Variants in PPP1R9A observed in about 807,000 individuals in gnomAD.
The protein encoded by PPP1R9A is neurabin-1.
A neutral mutation model predicts 141.9 loss-of-function variants in PPP1R9A; 59 were observed. The observed-to-expected ratio is 0.42, with a 90% CI of 0.34 to 0.52. The LOEUF (loss-of-function observed/expected upper bound fraction) is 0.52. PPP1R9A is among the 20% of genes least tolerant of loss of function. The pLI is 0.10. For synonymous variants in PPP1R9A, 500 were observed against 569.7 expected (o/e 0.88, Z 1.74); for missense variants, 1,444 against 1,611.9 (o/e 0.90, Z 1.78).
chr7:95,267,730 G>A (rs755282379), intron 12 of PPP1R9A, among the ~76,000 whole-genome samples: 2 of 151,940 alleles, frequency 1.3e-5, no homozygotes, highest in African/African-American at 2.4e-5. Flanking sequence ...TTTACCCTTC[G>A]AAAATCAGTG....
At chr7:94,971,521 C>T (rs531100977) in intron 2 of PPP1R9A, among the ~76,000 whole-genome samples, 2 of 152,260 alleles carry the variant, frequency 1.3e-5, no homozygotes, top group African/African-American at 2.4e-5. Flanking sequence ...TTTAGACTAT[C>T]GTAGTCATCT....
chr7:95,065,327 A>C (rs1812799675), intron 2 of PPP1R9A, among the ~76,000 whole-genome samples: 1 of 152,202 alleles, frequency 6.6e-6, no homozygotes, highest in African/African-American at 2.4e-5. Context: ...GGCCTCCCAA[A>C]GTACTAGGAT....
chr7:94,973,592 CAA>C (rs1258746767), intron 2 of PPP1R9A, among the ~76,000 whole-genome samples: 12 of 151,920 alleles, frequency 7.9e-5, no homozygotes, highest in Non-Finnish European at 1.5e-4. Flanking sequence ...TCATAGGGGA[CAA>C]GAGAGAGATA....
At chr7:95,195,409 T>C (rs988820268) in intron 5 of PPP1R9A, among the ~76,000 whole-genome samples, 8 of 150,066 alleles carry the variant, frequency 5.3e-5, no homozygotes, top group Non-Finnish European at 1.2e-4. Context: ...GCCTCTCAAG[T>C]AGCTAAAACT....
chr7:95,289,126 C>A (rs936193435), intron 19 of PPP1R9A, among the ~76,000 whole-genome samples: 3 of 152,200 alleles, frequency 2.0e-5, no homozygotes, highest in Admixed American at 6.5e-5. Flanking sequence ...TCCTTACACA[C>A]CACTCCCAAA....
chr7:94,926,905 T>G (rs1793553868), intron 2 of PPP1R9A, among the ~76,000 whole-genome samples: 1 of 152,198 alleles, frequency 6.6e-6, no homozygotes, highest in South Asian at 2.1e-4. Flanking sequence ...TAATTAGTAA[T>G]AAATTGCATG....
intron 7 of PPP1R9A, among the ~76,000 whole-genome samples, chr7:95,215,864 G>A (rs1793276620): frequency 6.6e-6 from 1 of 152,070 alleles, no homozygotes; most frequent in South Asian, 2.1e-4. Flanking sequence ...TGTAGATTCT[G>A]GATATTAGCC....
At chr7:95,047,313 G>A (rs562627566) in intron 2 of PPP1R9A, among the ~76,000 whole-genome samples, 32 of 152,320 alleles carry the variant, frequency 2.1e-4, no homozygotes, top group African/African-American at 7.5e-4. Flanking sequence ...TTTAGTTGAT[G>A]TGTACTATGC....
chr7:94,928,450 T>C (rs1793751446), intron 2 of PPP1R9A, among the ~76,000 whole-genome samples: 1 of 152,204 alleles, frequency 6.6e-6, no homozygotes, highest in African/African-American at 2.4e-5. Flanking sequence ...CCCCATTTTT[T>C]CTCTCTGTTC....
At chr7:94,924,606 G>A (rs1182519860) in intron 2 of PPP1R9A, among the ~76,000 whole-genome samples, 1 of 152,124 alleles carries the variant, frequency 6.6e-6, no homozygotes, top group African/African-American at 2.4e-5. Context: ...TCAGCTTACT[G>A]CAACTTCCGT....
chr7:95,042,385 A>T (rs1809378043), intron 2 of PPP1R9A, among the ~76,000 whole-genome samples: 1 of 152,194 alleles, frequency 6.6e-6, no homozygotes, highest in Non-Finnish European at 1.5e-5. Context: ...GAGTCAGATG[A>T]CATGTCTGTT....
chr7:95,031,234 A>G (rs1807635312), intron 2 of PPP1R9A, among the ~76,000 whole-genome samples: 1 of 152,228 alleles, frequency 6.6e-6, no homozygotes, highest in East Asian at 1.9e-4. Context: ...TTAATATAAC[A>G]TTTAATTCCT....
intron 2 of PPP1R9A, among the ~76,000 whole-genome samples, chr7:94,950,519 AT>A (rs776809625): frequency 3.6e-4 from 54 of 151,826 alleles, no homozygotes; most frequent in Non-Finnish European, 6.5e-4. Context: ...CTCATAAAAC[AT>A]TTTTCTTTCA....
intron 2 of PPP1R9A, among the ~76,000 whole-genome samples, chr7:95,057,181 C>T (rs545935538): frequency 2.0e-5 from 3 of 152,036 alleles, no homozygotes; most frequent in East Asian, 1.9e-4. Flanking sequence ...CCAAGAAATT[C>T]ACAGTCTTTG....
intron 2 of PPP1R9A, among the ~76,000 whole-genome samples, chr7:95,103,923 A>T (rs991758830): frequency 6.6e-6 from 1 of 152,156 alleles, no homozygotes; most frequent in African/African-American, 2.4e-5. Context: ...ATAACATAAT[A>T]TTTATGGGAG....
chr7:95,015,874 A>AC (rs1805032100), intron 2 of PPP1R9A, among the ~76,000 whole-genome samples: 1 of 151,862 alleles, frequency 6.6e-6, no homozygotes, highest in Non-Finnish European at 1.5e-5. Flanking sequence ...ACATGGTGAG[A>AC]CCCCTGCCTC....
intron 5 of PPP1R9A, among the ~76,000 whole-genome samples, chr7:95,178,608 A>G (rs933706050): frequency 6.6e-6 from 1 of 152,098 alleles, no homozygotes; most frequent in Non-Finnish European, 1.5e-5. Flanking sequence ...TGAAAAGATA[A>G]ATAAAATTGA....
chr7:95,134,731 G>A (rs1232549454), intron 4 of PPP1R9A, among the ~76,000 whole-genome samples: 2 of 152,132 alleles, frequency 1.3e-5, no homozygotes, highest in Admixed American at 6.5e-5. Context: ...CACCACGCCC[G>A]GCCTATGTTA....
chr7:95,012,636 C>T (rs1392823829), intron 2 of PPP1R9A, among the ~76,000 whole-genome samples: 1 of 152,030 alleles, frequency 6.6e-6, no homozygotes, highest in Non-Finnish European at 1.5e-5. Context: ...GGAAGAGATA[C>T]TTTATTTGGA....
Sources: gnomAD v4.1 joint callset for allele counts (sites outside exome capture counted in the v4.1 genomes callset) on GRCh38, gnomAD v4.1.1 for gene constraint, MANE v1.5 for transcripts, NCBI Gene and HGNC (gene_info 2026-07-23, HGNC 2026-07-21) for gene names.